The following COL17A1 variants were observed in gnomAD, a reference collection of about 807,000 sequenced individuals.
COL17A1 encodes collagen alpha-1(XVII) chain.
Under a neutral mutation model 218.4 loss-of-function variants are expected in COL17A1, and 181 were observed. The observed-to-expected ratio is 0.83, with a 90% confidence interval of 0.73 to 0.94. The LOEUF (loss-of-function observed/expected upper bound fraction) is 0.94, where lower values mean the gene tolerates loss of function less well. Among genes scored for constraint, COL17A1 ranks in the 40% least tolerant of loss-of-function variants. COL17A1 has a pLI of 0.00. For synonymous variants in COL17A1, 721 were observed against 731.0 expected (o/e 0.99, Z 0.22); for missense variants, 1,924 against 1,945.9 (o/e 0.99, Z 0.21).
chr10:104,070,614 T>C (rs768297147), intron 8 of COL17A1, 45 bp from the exon 9 acceptor site: 3 of 1,613,820 alleles, frequency 1.9e-6, no homozygotes, highest in African/African-American at 1.3e-5. Context: ...CAGAGTTCTT[T>C]CCTGAGTCCC....
intron 15 of COL17A1, among the ~76,000 whole-genome samples, chr10:104,058,623 C>G (rs1265565626): frequency 4.6e-5 from 7 of 152,046 alleles, no homozygotes; most frequent in Non-Finnish European, 1.0e-4. Context: ...TTCCTGAGTC[C>G]GTGATGCTAT....
chr10:104,058,730 G>A (rs946788361), intron 15 of COL17A1, among the ~76,000 whole-genome samples: 15 of 152,096 alleles, frequency 9.9e-5, no homozygotes, highest in African/African-American at 1.9e-4. Context: ...TCAGGAGTTC[G>A]AGACCAGCCT....
intron 9 of COL17A1, among the ~76,000 whole-genome samples, chr10:104,068,587 G>C (rs545006355): frequency 6.6e-6 from 1 of 152,334 alleles, no homozygotes; most frequent in East Asian, 1.9e-4. Context: ...AAATATGCCT[G>C]TGGAATAGTA....
intron 47 of COL17A1, 75 bp downstream of exon 47, chr10:104,036,970 C>G (rs2086305851): frequency 7.3e-7 from 1 of 1,366,664 alleles, no homozygotes. Context: ...CAGACGAGGA[C>G]AAGGTTTGCA....
chr10:104,042,585 A>G (rs966856146), intron 35 of COL17A1, 130 bp from the exon 36 acceptor site: 19 of 876,050 alleles, frequency 2.2e-5, no homozygotes, highest in Admixed American at 1.6e-4. Context: ...TGAGAGCAAT[A>G]AGCAATTCGA....
rs746159623 is a variant in COL17A1 at position 104,064,644 on chromosome 10, T to C, written c.608-48A>G. 24 of 1,541,448 alleles carry C rather than the reference T, an allele frequency of 1.6e-5. No homozygotes were observed. In the East Asian group the frequency reaches 5.1e-4, roughly 33 times the overall value. ...ACCCCAGTGAGAGACAAATCAACACTCCCTGCTGGGGAATCTAGTCACCTC... is the reference window on the plus strand; with the variant it reads ...ACCCCAGTGAGAGACAAATCAACACCCCCTGCTGGGGAATCTAGTCACCTC... On this transcript the variant is annotated intron_variant, in intron 9 of 55. Coordinates refer to ENST00000648076, the MANE Select transcript of COL17A1 (RefSeq NM_000494.4).
At position 104,035,525 on chromosome 10, in the gene COL17A1, G is replaced by GC; in HGVS notation, c.3456dup (p.Pro1153AlafsTer10). On this transcript the variant is annotated frameshift_variant, in exon 49 of 56. Transcript: ENST00000648076. LOFTEE classifies it high-confidence loss of function. ...TAGGAGGTTCCCGGCAAGCCAGGGG[G>GC]CCCCGGGGGACCAGGAAGCCCAATG... 6.2e-7 allele frequency: 1 copy of GC among 1,614,030 alleles called. No homozygotes were observed. Among genetic ancestry groups the GC allele is most frequent in the South Asian group, 1.1e-5 (1 of 91,068 alleles).
At chr10:104,070,309 G>T in intron 9 of COL17A1, 117 bp downstream of exon 9, 1 of 1,548,208 alleles carries the variant, frequency 6.5e-7, no homozygotes. Context: ...GAGATTTGGT[G>T]GGCCCCAATT....
intron 31 of COL17A1, among the ~76,000 whole-genome samples, chr10:104,047,445 T>G (rs562101561): frequency 4.6e-5 from 7 of 152,180 alleles, no homozygotes; most frequent in African/African-American, 1.7e-4. Context: ...TTAATCCCAC[T>G]CTTCTGAATT....
intron 47 of COL17A1, 54 bp downstream of exon 47, chr10:104,036,991 G>T: frequency 6.7e-7 from 1 of 1,503,464 alleles, no homozygotes; most frequent in Non-Finnish European, 9.1e-7. Context: ...TGACGAGTGA[G>T]GCCAGGAGAA....
At chr10:104,039,348 C>T (rs1046694622) in intron 43 of COL17A1, 97 bp downstream of exon 43, 4 of 1,359,914 alleles carry the variant, frequency 2.9e-6, no homozygotes, top group South Asian at 1.2e-5. Context: ...CAAGACTTTA[C>T]ACTGATGAGT....
chr10:104,039,389 C>G, intron 43 of COL17A1, 56 bp downstream of exon 43: 1 of 1,572,680 alleles, frequency 6.4e-7, no homozygotes, highest in Non-Finnish European at 8.7e-7. Context: ...GCTCTGGGCT[C>G]TGGGCACCAG....
chr10:104,074,639 C>G (rs1809142129), intron 5 of COL17A1, among the ~76,000 whole-genome samples: 1 of 152,172 alleles, frequency 6.6e-6, no homozygotes, highest in South Asian at 2.1e-4. Flanking sequence ...CAAACGTGGA[C>G]CCAGTTAAAA....
rs763337314 is a variant in COL17A1 at position 104,064,514 on chromosome 10, G to T, written c.690C>A (p.Ser230=). The T allele has an allele frequency of 4.3e-6, 7 of 1,614,046 alleles. No homozygotes were observed. The highest frequency in any genetic ancestry group is 3.3e-5 in the Admixed American group (2 of 60,006). Residue 230 remains serine (S), a synonymous_variant, in exon 10 of 56, where the codon TCC becomes TCA. Transcript: ENST00000648076. ...VWSSTLPAGS[S]MGTYHNNMTT... Reference sequence around the variant, plus strand: ...TCATGTTGTTGTGATAGGTCCCCATGGAGGACCCCGCGGGCAGGGTGGAGG... The same window carrying T: ...TCATGTTGTTGTGATAGGTCCCCATTGAGGACCCCGCGGGCAGGGTGGAGG...
Position 104,033,328 on chromosome 10 carries a change from C to G in COL17A1, c.4204G>C (p.Gly1402Arg). Residue 1402 changes from glycine to arginine, a missense_variant, in exon 53 of 56, where the codon GGC becomes CGC. Physicochemically the swap from Gly to Arg is moderately radical, Grantham distance 125. Transcript: ENST00000648076. ...GGTGGCCCCTGTGGCCCAGGCTGGCCTGGTGGGCCCTGGACAGTGTAGGCC... is the reference window on the plus strand; with the variant it reads ...GGTGGCCCCTGTGGCCCAGGCTGGCGTGGTGGGCCCTGGACAGTGTAGGCC... Reference protein sequence around the residue: ...GMAYTVQGPPGQPGPQGPPGI... With the variant: ...GMAYTVQGPPRQPGPQGPPGI... 1 of 1,609,018 alleles carries G rather than the reference C, an allele frequency of 6.2e-7. No individual in the cohort carries two copies. Among genetic ancestry groups the G allele is most frequent in the Non-Finnish European group, 8.5e-7 (1 of 1,177,808 alleles).
chr10:104,056,574 G>A (rs560995125), intron 17 of COL17A1, among the ~76,000 whole-genome samples: 5 of 101,406 alleles, frequency 4.9e-5, no homozygotes, highest in Admixed American at 2.3e-4. Flanking sequence ...AGAACGAGAC[G>A]CCGTCTCAAA....
intron 21 of COL17A1, 41 bp from the exon 22 acceptor site, chr10:104,054,023 C>G (rs780150723): frequency 1.9e-6 from 3 of 1,612,918 alleles, no homozygotes; most frequent in Non-Finnish European, 1.7e-6. Context: ...GTTTTCCTCC[C>G]AGAAGCCATC....
chr10:104,073,171 T>C, intron 7 of COL17A1, 39 bp downstream of exon 7: 1 of 1,594,402 alleles, frequency 6.3e-7, no homozygotes, highest in Non-Finnish European at 8.6e-7. Flanking sequence ...AGAAAATACT[T>C]GTTGAATGAA....
intron 29 of COL17A1, 55 bp downstream of exon 29, chr10:104,049,354 C>G (rs2086444812): frequency 2.0e-6 from 3 of 1,526,196 alleles, no homozygotes; most frequent in Middle Eastern, 1.7e-4. Context: ...TCTCCAGGGT[C>G]GTGGTGACCC....
Sources: gnomAD v4.1 joint callset for allele counts (sites outside exome capture counted in the v4.1 genomes callset) on GRCh38, gnomAD v4.1.1 for gene constraint, MANE v1.5 for transcripts, NCBI Gene and HGNC (gene_info 2026-07-23, HGNC 2026-07-21) for gene names.